The following NR1H4 variants were observed in gnomAD, a reference collection of about 807,000 sequenced individuals.
The protein encoded by NR1H4 is nuclear receptor subfamily 1 group H member 4.
In NR1H4, 23 loss-of-function variants were observed where a neutral mutation model predicts 58.5. The observed-to-expected ratio is 0.39, with a 90% CI of 0.28 to 0.56. The LOEUF is 0.56. NR1H4 is among the 20% of genes least tolerant of loss of function. NR1H4 has a pLI of 0.58. For missense variants in NR1H4, 487 were observed against 576.9 expected (o/e 0.84, Z 1.60); for synonymous variants, 214 against 198.0 (o/e 1.08, Z -0.68).
At chr12:100,500,313 C>A (rs555424552) in intron 3 of NR1H4, among the ~76,000 whole-genome samples, 1 of 152,128 alleles carries the variant, frequency 6.6e-6, no homozygotes, top group Non-Finnish European at 1.5e-5. Context: ...TAGGACCTCC[C>A]TTTTTTCATG....
intron 9 of NR1H4, among the ~76,000 whole-genome samples, chr12:100,561,215 T>C (rs1955463999): frequency 6.6e-6 from 1 of 151,628 alleles, no homozygotes; most frequent in Non-Finnish European, 1.5e-5. Context: ...GCTAACACGG[T>C]GAAACCCAGT....
intron 1 of NR1H4, among the ~76,000 whole-genome samples, chr12:100,475,553 T>A (rs1358861441): frequency 6.6e-6 from 1 of 152,094 alleles, no homozygotes; most frequent in Non-Finnish European, 1.5e-5. Flanking sequence ...TTGGGCCAAT[T>A]GCAATGGAAT....
chr12:100,544,491 C>T (rs1955013412), intron 9 of NR1H4, among the ~76,000 whole-genome samples: 1 of 151,948 alleles, frequency 6.6e-6, no homozygotes, highest in Non-Finnish European at 1.5e-5. Context: ...TTTTTTAAAG[C>T]TGTTGAAATA....
intron 9 of NR1H4, among the ~76,000 whole-genome samples, chr12:100,546,279 C>T (rs1036757585): frequency 6.6e-6 from 1 of 152,140 alleles, no homozygotes; most frequent in African/African-American, 2.4e-5. Flanking sequence ...TATGCCAGAC[C>T]TAGACCCTGT....
At chr12:100,538,490 G>A (rs17030289) in intron 8 of NR1H4, among the ~76,000 whole-genome samples, 13,195 of 152,154 alleles carry the variant, frequency 0.087, 1,791 homozygotes, top group African/African-American at 0.3. Flanking sequence ...TTCTGATGGT[G>A]CCAGTATAGA....
intron 3 of NR1H4, among the ~76,000 whole-genome samples, chr12:100,499,541 A>T (rs1334272761): frequency 6.6e-6 from 1 of 152,190 alleles, no homozygotes; most frequent in Non-Finnish European, 1.5e-5. Flanking sequence ...GCCTCTTCTT[A>T]TTACAAAATA....
intron 7 of NR1H4, 23 bp downstream of exon 7, chr12:100,536,633 T>C (rs1851923520): frequency 2.3e-6 from 3 of 1,306,220 alleles, no homozygotes; most frequent in East Asian, 4.6e-5. Flanking sequence ...TCTGAAAATA[T>C]GTGGGTTTAA....
In NR1H4 at chr12:100,510,780, G is replaced by A. The variant is rs115828166; in HGVS notation, c.82G>A (p.Val28Ile). Reference sequence around the variant, plus strand: ...GTTTTGTTGTCACTTTTGTTCAGGTGTTTTAACAGAACAAGTGGCAGGTCC... The same window carrying A: ...GTTTTGTTGTCACTTTTGTTCAGGTATTTTAACAGAACAAGTGGCAGGTCC... ...EFSFSENLFG[V>I]LTEQVAGPLG... The change falls in exon 4 of 11, where the codon GTT becomes ATT. Residue 28 changes from valine to isoleucine, a missense_variant and splice_region_variant. Val to Ile is a conservative substitution (Grantham distance 29, BLOSUM62 3). Transcript: ENST00000392986. The A allele has an allele frequency of 6.1e-4, 981 of 1,613,908 alleles. 7 individuals carry two copies. In the African/African-American group the frequency reaches 0.012, roughly 20 times the overall value.
intron 10 of NR1H4, 136 bp downstream of exon 10, chr12:100,562,134 G>A: frequency 1.6e-6 from 1 of 620,156 alleles, no homozygotes; most frequent in Non-Finnish European, 2.8e-6. Flanking sequence ...TATCCAAATA[G>A]AACCATTATT....
chr12:100,522,096 A>AT (rs3838349), intron 4 of NR1H4, among the ~76,000 whole-genome samples: 13,640 of 151,998 alleles, frequency 0.09, 1,485 homozygotes, highest in East Asian at 0.31. Flanking sequence ...AATGAAGATG[A>AT]GATAAAGATG....
At chr12:100,563,218 A>C (rs1301692434) in intron 10 of NR1H4, 33 bp from the exon 11 acceptor site, 1 of 1,521,928 alleles carries the variant, frequency 6.6e-7, no homozygotes, top group African/African-American at 1.4e-5. Context: ...TCCACTTTTT[A>C]ATTTTGTCAT....
intron 4 of NR1H4, 133 bp from the exon 5 acceptor site, chr12:100,532,325 G>T (rs1250603925): frequency 4.1e-6 from 3 of 730,648 alleles, no homozygotes; most frequent in African/African-American, 3.5e-5. Context: ...TTTGTCACTG[G>T]TGTGCTCAAG....
chr12:100,504,083 T>C (rs979508748), intron 3 of NR1H4, among the ~76,000 whole-genome samples: 2 of 151,940 alleles, frequency 1.3e-5, no homozygotes, highest in Non-Finnish European at 2.9e-5. Flanking sequence ...GAAAAGAGTT[T>C]GGGAAACACG....
chr12:100,484,778 T>C (rs1260122974), intron 1 of NR1H4, among the ~76,000 whole-genome samples: 1 of 152,182 alleles, frequency 6.6e-6, no homozygotes, highest in Non-Finnish European at 1.5e-5. Flanking sequence ...AGTAATCATA[T>C]CTACTGATTT....
intron 3 of NR1H4, among the ~76,000 whole-genome samples, chr12:100,499,612 G>T (rs923178958): frequency 3.3e-5 from 5 of 152,178 alleles, no homozygotes; most frequent in Non-Finnish European, 7.3e-5. Context: ...ATGAGTCAGA[G>T]AGTTGGCCAG....
intron 3 of NR1H4, among the ~76,000 whole-genome samples, chr12:100,495,404 CT>C (rs1349050664): frequency 6.6e-6 from 1 of 152,124 alleles, no homozygotes; most frequent in Non-Finnish European, 1.5e-5. Flanking sequence ...TTTCAAATCT[CT>C]TTCCCCTAGG....
intron 9 of NR1H4, among the ~76,000 whole-genome samples, chr12:100,545,267 T>C (rs1404742202): frequency 1.3e-5 from 2 of 151,934 alleles, no homozygotes; most frequent in African/African-American, 4.8e-5. Flanking sequence ...TCCCTTCCAC[T>C]GTGGTTCAGC....
chr12:100,550,719 G>A (rs1374200263), intron 9 of NR1H4, among the ~76,000 whole-genome samples: 1 of 152,138 alleles, frequency 6.6e-6, no homozygotes, highest in Admixed American at 6.6e-5. Flanking sequence ...AGAGATCAAA[G>A]CAACTTGTTC....
intron 9 of NR1H4, among the ~76,000 whole-genome samples, chr12:100,543,158 C>G (rs1048038593): frequency 3.3e-5 from 5 of 152,008 alleles, no homozygotes; most frequent in Non-Finnish European, 5.9e-5. Flanking sequence ...GAGAAAGAGG[C>G]AAGAAAGCTC....
Sources: allele counts gnomAD v4.1 joint callset (sites outside exome capture counted in the v4.1 genomes callset), GRCh38; gene constraint gnomAD v4.1.1; transcripts MANE v1.5; gene names NCBI Gene and HGNC (gene_info 2026-07-23, HGNC 2026-07-21).